Variants in ZNG1A observed in about 807,000 individuals in gnomAD.
ZNG1A encodes the protein Zn regulated GTPase metalloprotein activator 1A, also known as zinc-regulated GTPase metalloprotein activator 1A.
the ZNG1A span, among the ~76,000 whole-genome samples, chr9:174,215 G>C: frequency 1.3e-5 from 2 of 149,644 alleles, no homozygotes; most frequent in African/African-American, 4.9e-5. Flanking sequence ...ACTTAAGAAA[G>C]AATAAACTAC....
chr9:143,231 G>C, the ZNG1A span, among the ~76,000 whole-genome samples: 1 of 147,984 alleles, frequency 6.8e-6, no homozygotes, highest in East Asian at 2.1e-4. Flanking sequence ...GCCAGGCAGA[G>C]ACACAACCAA....
chr9:146,061 G>A, the ZNG1A span: 40 of 1,393,494 alleles, frequency 2.9e-5, 2 homozygotes, highest in Admixed American at 6.5e-5. Context: ...GGGGAAAAAA[G>A]GTACATAACA....
At chr9:138,526 T>C in the ZNG1A span, among the ~76,000 whole-genome samples, 120 of 114,328 alleles carry the variant, frequency 1.0e-3, no homozygotes, top group African/African-American at 4.4e-3. Flanking sequence ...TGAACAATAC[T>C]ACAGACTGAA....
chr9:171,026 TTTTC>T, the ZNG1A span, among the ~76,000 whole-genome samples: 1 of 151,108 alleles, frequency 6.6e-6, no homozygotes, highest in Non-Finnish European at 1.5e-5. Flanking sequence ...TACAATATAT[TTTTC>T]TTTCTTACCA....
At chr9:172,279 G>T in the ZNG1A span, 37 of 1,432,924 alleles carry the variant, frequency 2.6e-5, no homozygotes, top group Admixed American at 7.3e-4. Context: ...AAGTACCCTT[G>T]GGAATGTGAA....
chr9:144,571 T>A, the ZNG1A span, among the ~76,000 whole-genome samples: 4 of 152,048 alleles, frequency 2.6e-5, no homozygotes, highest in Admixed American at 2.6e-4. Context: ...ACTTAAACGT[T>A]TGACCTAAAA....
chr9:156,650 C>T, the ZNG1A span: 6 of 1,100,166 alleles, frequency 5.5e-6, no homozygotes, highest in Non-Finnish European at 6.5e-6. Context: ...TGTTCTCTTA[C>T]TGAATACATA....
chr9:174,799 T>C, the ZNG1A span, among the ~76,000 whole-genome samples: 57 of 151,234 alleles, frequency 3.8e-4, no homozygotes, highest in South Asian at 1.7e-3. Flanking sequence ...TTCATACTTA[T>C]GAAGAAAAAC....
the ZNG1A span, chr9:160,114 G>A: frequency 2.2e-6 from 1 of 454,682 alleles, no homozygotes; most frequent in Non-Finnish European, 4.4e-6. Flanking sequence ...ATAGAGAGCT[G>A]TCATTTTAAG....
chr9:146,112 A>G, the ZNG1A span: 3 of 1,564,952 alleles, frequency 1.9e-6, no homozygotes, highest in African/African-American at 1.4e-5. Flanking sequence ...CTTATTCCAG[A>G]GAGACTATCA....
the ZNG1A span, chr9:172,003 T>G: frequency 6.2e-7 from 1 of 1,601,794 alleles, no homozygotes; most frequent in African/African-American, 1.3e-5. Context: ...TAATCCTCAT[T>G]TTAGATATTC....
the ZNG1A span, among the ~76,000 whole-genome samples, chr9:143,998 G>A: frequency 1.7e-4 from 6 of 34,452 alleles, no homozygotes; most frequent in South Asian, 1.3e-3. Flanking sequence ...GGGATGTGAA[G>A]GACCTCTTCA....
chr9:166,037 C>CA, the ZNG1A span: 2 of 146,882 alleles, frequency 1.4e-5, no homozygotes, highest in Non-Finnish European at 3.0e-5. Context: ...ATAAGCAACA[C>CA]AAGGAAAAGT....
the ZNG1A span, among the ~76,000 whole-genome samples, chr9:140,308 G>A: frequency 6.6e-5 from 10 of 151,816 alleles, no homozygotes; most frequent in Non-Finnish European, 5.9e-5. Context: ...GCACGCAGCT[G>A]GAGATCTGAG....
chr9:176,984 G>A, the ZNG1A span, among the ~76,000 whole-genome samples: 1 of 152,162 alleles, frequency 6.6e-6, no homozygotes, highest in Non-Finnish European at 1.5e-5. Context: ...AGGGGGGAAT[G>A]GAGGGGAATT....
At chr9:135,163 C>T in the ZNG1A span, 2 of 1,515,636 alleles carry the variant, frequency 1.3e-6, no homozygotes, top group Non-Finnish European at 1.8e-6. Context: ...TGCAATTTTA[C>T]AAGTTGTTCG....
At chr9:140,688 G>A in the ZNG1A span, among the ~76,000 whole-genome samples, 4 of 151,804 alleles carry the variant, frequency 2.6e-5, no homozygotes, top group South Asian at 4.2e-4. Context: ...AAAGCTGGAG[G>A]GAGAATGACT....
chr9:129,679 G>A, the ZNG1A span, among the ~76,000 whole-genome samples: 8 of 150,254 alleles, frequency 5.3e-5, no homozygotes, highest in East Asian at 1.6e-3. Context: ...GAAAATTGGG[G>A]GGGGCTGTTC....
the ZNG1A span, among the ~76,000 whole-genome samples, chr9:142,257 C>G: frequency 7.6e-6 from 1 of 131,954 alleles, no homozygotes; most frequent in African/African-American, 3.2e-5. Context: ...CAGCACCACA[C>G]CACACCTATT....
Sources: gnomAD v4.1 joint callset for allele counts (sites outside exome capture counted in the v4.1 genomes callset) on GRCh38, gnomAD v4.1.1 for gene constraint, MANE v1.5 for transcripts, NCBI Gene and HGNC (gene_info 2026-07-23, HGNC 2026-07-21) for gene names.